LRP1B: variants seen among roughly 807,000 people sequenced by gnomAD.
LRP1B encodes the protein LDL receptor related protein 1B, also known as low-density lipoprotein receptor-related protein 1B.
A neutral mutation model predicts 556.6 loss-of-function variants in LRP1B; 217 were observed. The observed-to-expected ratio is 0.39, with a 90% CI of 0.35 to 0.44. LRP1B has a LOEUF of 0.44. Among genes scored for constraint, LRP1B ranks in the 20% least tolerant of loss-of-function variants. The probability of loss-of-function intolerance (pLI) is 1.00; values close to 1 mark genes in which losing one functional copy is unlikely to be tolerated. For synonymous variants in LRP1B, 2,047 were observed against 1,865.8 expected (o/e 1.10, Z -2.50); for missense variants, 5,053 against 5,620.8 (o/e 0.90, Z 3.23).
chr2:140,489,231 A>G (rs914385858), intron 57 of LRP1B, among the ~76,000 whole-genome samples: 9 of 152,034 alleles, frequency 5.9e-5, no homozygotes, highest in African/African-American at 1.9e-4. Flanking sequence ...AAAATGAGCA[A>G]TCTCATTTTC....
intron 2 of LRP1B, among the ~76,000 whole-genome samples, chr2:141,520,368 C>T (rs956793650): frequency 6.6e-6 from 1 of 152,076 alleles, no homozygotes; most frequent in Non-Finnish European, 1.5e-5. Flanking sequence ...AACAAAAGGC[C>T]CTGACTAAAG....
intron 1 of LRP1B, among the ~76,000 whole-genome samples, chr2:142,009,920 A>T (rs1702903658): frequency 6.6e-6 from 1 of 152,102 alleles, no homozygotes; most frequent in Admixed American, 6.6e-5. Context: ...ATATAGATGC[A>T]TATGTAGATG....
chr2:141,644,968 C>T (rs1469387328), intron 2 of LRP1B, among the ~76,000 whole-genome samples: 2 of 152,076 alleles, frequency 1.3e-5, no homozygotes, highest in African/African-American at 4.8e-5. Flanking sequence ...TTTAGGGAAA[C>T]ATAGCCTTTG....
chr2:140,942,655 A>C (rs1301081708), intron 20 of LRP1B, among the ~76,000 whole-genome samples: 1 of 152,040 alleles, frequency 6.6e-6, no homozygotes, highest in Non-Finnish European at 1.5e-5. Flanking sequence ...TATAAGAAAC[A>C]CCAAGCCAGA....
chr2:141,136,385 T>A (rs1253723347), intron 7 of LRP1B, among the ~76,000 whole-genome samples: 1 of 151,914 alleles, frequency 6.6e-6, no homozygotes, highest in African/African-American at 2.4e-5. Context: ...ATCAGATTCC[T>A]AAGTTGCACA....
intron 1 of LRP1B, among the ~76,000 whole-genome samples, chr2:141,850,622 CTGTGTGTG>C (rs70994458): frequency 0.027 from 3,873 of 141,148 alleles, 159 homozygotes; most frequent in African/African-American, 0.095. Context: ...AGCATAAACT[CTGTGTGTG>C]TGTGTGTGTG....
At chr2:141,546,890 T>G (rs1482795687) in intron 2 of LRP1B, among the ~76,000 whole-genome samples, 1 of 152,202 alleles carries the variant, frequency 6.6e-6, no homozygotes, top group Non-Finnish European at 1.5e-5. Context: ...ACTGGCTTGT[T>G]TCTTTCCTCC....
At chr2:141,544,924 C>T (rs184129883) in intron 2 of LRP1B, among the ~76,000 whole-genome samples, 16 of 152,164 alleles carry the variant, frequency 1.1e-4, no homozygotes, top group African/African-American at 3.6e-4. Flanking sequence ...GCTTGGCCTC[C>T]CAAAGTGCTG....
intron 5 of LRP1B, among the ~76,000 whole-genome samples, chr2:141,244,293 T>C (rs531852221): frequency 6.6e-6 from 1 of 152,342 alleles, no homozygotes; most frequent in Non-Finnish European, 1.5e-5. Context: ...TAGTATCCTT[T>C]CTTTCTAAAG....
At chr2:142,105,165 G>A (rs949550588) in intron 1 of LRP1B, among the ~76,000 whole-genome samples, 4 of 152,124 alleles carry the variant, frequency 2.6e-5, no homozygotes, top group African/African-American at 9.7e-5. Context: ...CCAAAAAGGA[G>A]AGCAAATTAT....
intron 45 of LRP1B, among the ~76,000 whole-genome samples, chr2:140,537,425 G>C (rs981166383): frequency 1.3e-5 from 2 of 151,798 alleles, no homozygotes; most frequent in Non-Finnish European, 2.9e-5. Flanking sequence ...TTTCCCCACC[G>C]TCTGGTCTTC....
intron 33 of LRP1B, among the ~76,000 whole-genome samples, chr2:140,773,385 C>T (rs1175847670): frequency 1.3e-5 from 2 of 152,048 alleles, no homozygotes; most frequent in African/African-American, 4.8e-5. Flanking sequence ...AGGAGAACTG[C>T]TTGAACCCAG....
chr2:141,846,987 A>G (rs1697675780), intron 1 of LRP1B, among the ~76,000 whole-genome samples: 1 of 151,528 alleles, frequency 6.6e-6, no homozygotes, highest in Non-Finnish European at 1.5e-5. Context: ...CTCTTACTAA[A>G]TAAGGTAAAG....
At position 141,203,821 on chromosome 2, in the gene LRP1B, A is replaced by G. The variant is rs144168728; in HGVS notation, c.851-15238T>C. On this transcript the variant is annotated intron_variant, in intron 6 of 90. Transcript: ENST00000389484. ...GCAAATGCAAAAGAACGGAAATCAT[A>G]ACAAATGGTCTCTCAGACCACAGTG... Among the ~76,000 whole-genome samples, 1,097 of 152,330 alleles carry G rather than the reference A, an allele frequency of 7.2e-3. 35 individuals carry two copies. The highest frequency in any genetic ancestry group is 0.057 in the Admixed American group (866 of 15,304).
At chr2:141,028,978 T>C (rs563570973) in intron 11 of LRP1B, among the ~76,000 whole-genome samples, 3 of 151,988 alleles carry the variant, frequency 2.0e-5, no homozygotes, top group African/African-American at 2.4e-5. Flanking sequence ...CTGTAAGTAA[T>C]TTTATTGGGC....
intron 3 of LRP1B, among the ~76,000 whole-genome samples, chr2:141,415,158 G>T (rs758230409): frequency 6.6e-6 from 1 of 152,108 alleles, no homozygotes; most frequent in Non-Finnish European, 1.5e-5. Flanking sequence ...GGGACTACAG[G>T]CTCCCGCCAC....
intron 66 of LRP1B, among the ~76,000 whole-genome samples, chr2:140,436,979 AGGCAGTATTCCT>A (rs1466888522): frequency 1.3e-5 from 2 of 152,174 alleles, no homozygotes; most frequent in Non-Finnish European, 2.9e-5. Context: ...TATAAGCTTG[AGGCAGTATTCCT>A]GGCTCCTCAC....
intron 60 of LRP1B, among the ~76,000 whole-genome samples, chr2:140,467,856 A>G (rs1299277034): frequency 6.6e-6 from 1 of 152,186 alleles, no homozygotes; most frequent in Non-Finnish European, 1.5e-5. Context: ...AGTAAAATGC[A>G]AGGAGAGAAA....
intron 2 of LRP1B, among the ~76,000 whole-genome samples, chr2:141,734,706 T>A (rs1441247426): frequency 2.6e-5 from 4 of 152,168 alleles, no homozygotes; most frequent in Non-Finnish European, 5.9e-5. Flanking sequence ...GCATTATGAA[T>A]GCTCCTGAGA....
Sources: gnomAD v4.1 joint callset for allele counts (sites outside exome capture counted in the v4.1 genomes callset) on GRCh38, gnomAD v4.1.1 for gene constraint, MANE v1.5 for transcripts, NCBI Gene and HGNC (gene_info 2026-07-23, HGNC 2026-07-21) for gene names.